SEC23B: variants seen among roughly 807,000 people sequenced by gnomAD.
SEC23B encodes protein transport protein Sec23B.
Under a neutral mutation model 104.3 loss-of-function variants are expected in SEC23B, and 77 were observed. That is an observed-to-expected ratio of 0.74 (90% CI 0.61 to 0.89). The LOEUF (loss-of-function observed/expected upper bound fraction) is 0.89. Ranked by LOEUF, SEC23B falls within the 40% of genes least tolerant of loss-of-function variation. The probability of loss-of-function intolerance (pLI) is 0.00; values close to 1 mark genes in which losing one functional copy is unlikely to be tolerated. For synonymous variants in SEC23B, 338 were observed against 332.5 expected (o/e 1.02, Z -0.18); for missense variants, 885 against 949.4 (o/e 0.93, Z 0.89).
intron 13 of SEC23B, among the ~76,000 whole-genome samples, chr20:18,542,638 A>G (rs2060298045): frequency 6.6e-6 from 1 of 152,034 alleles, no homozygotes; most frequent in African/African-American, 2.4e-5. Flanking sequence ...AGTATTAATT[A>G]TTATTATTAT....
In SEC23B at chr20:18,508,114, G is replaced by A. The variant is rs1315267505; in HGVS notation, c.-15+142G>A. 4.6e-5 allele frequency: 7 copies of A among 152,290 alleles called. No homozygotes were observed. In the East Asian group the frequency reaches 1.2e-3, roughly 25 times the overall value. 9.4% of individuals were successfully genotyped at this position (152,290 alleles called of 1,614,324 possible). A position where few individuals can be genotyped will look rare whatever the true frequency, so the allele number is the denominator to read the frequency against. On this transcript the variant is annotated intron_variant, in intron 1 of 19. Transcript: ENST00000650089. ...AGTTTAGGGTAGCGGGGGAATGGATGATCCGGGAGTCCCCTGCGGATGTCG... is the reference window on the plus strand; with the variant it reads ...AGTTTAGGGTAGCGGGGGAATGGATAATCCGGGAGTCCCCTGCGGATGTCG...
chr20:18,522,316 TC>T (rs1479335862), intron 4 of SEC23B, among the ~76,000 whole-genome samples: 1 of 152,018 alleles, frequency 6.6e-6, no homozygotes, highest in East Asian at 1.9e-4. Context: ...CAGGCAGGCG[TC>T]CCCACAATGA....
chr20:18,542,237 C>T, intron 12 of SEC23B, 59 bp from the exon 13 acceptor site: 1 of 1,415,226 alleles, frequency 7.1e-7, no homozygotes. Flanking sequence ...ACAGTGGGCT[C>T]TGTGACCGTG....
At chr20:18,515,908 G>A in intron 4 of SEC23B, 172 bp downstream of exon 4, 1 of 642,484 alleles carries the variant, frequency 1.6e-6, no homozygotes, top group Non-Finnish European at 2.8e-6. Flanking sequence ...TTCAAGTCCT[G>A]ACATTATAGA....
chr20:18,522,030 C>T (rs1242086092), intron 4 of SEC23B, among the ~76,000 whole-genome samples: 1 of 152,084 alleles, frequency 6.6e-6, no homozygotes, highest in Non-Finnish European at 1.5e-5. Context: ...GATTTTAGGT[C>T]AGATGAGAGT....
At chr20:18,540,376 A>T (rs956335558) in intron 12 of SEC23B, among the ~76,000 whole-genome samples, 3 of 152,098 alleles carry the variant, frequency 2.0e-5, no homozygotes, top group Non-Finnish European at 2.9e-5. Flanking sequence ...TTTTGAAAGG[A>T]GTCTTTTTTT....
intron 4 of SEC23B, among the ~76,000 whole-genome samples, chr20:18,518,162 G>A (rs925339519): frequency 2.6e-5 from 4 of 152,274 alleles, no homozygotes; most frequent in South Asian, 2.1e-4. Context: ...GTCCGTTATC[G>A]GACTGTATAG....
chr20:18,559,467 C>T (rs2060472950), intron 19 of SEC23B, among the ~76,000 whole-genome samples: 2 of 152,098 alleles, frequency 1.3e-5, no homozygotes, highest in African/African-American at 4.8e-5. Context: ...TTCTCTGGCA[C>T]CATCTTGGTG....
chr20:18,560,626 A>G (rs757101402), intron 19 of SEC23B, 25 bp from the exon 20 acceptor site: 6 of 1,579,042 alleles, frequency 3.8e-6, no homozygotes, highest in South Asian at 1.1e-5. Flanking sequence ...ATATCTGCCA[A>G]CTAATCTTTA....
chr20:18,510,882 G>A lies in SEC23B; in HGVS notation c.47G>A (p.Gly16Asp). Reference protein sequence around the residue: ...EFIQQNEERDGVRFSWNVWPS... With the variant: ...EFIQQNEERDDVRFSWNVWPS... ...ATCCAGCAGAATGAAGAACGGGATGGTGTGCGTTTTAGTTGGAACGTGTGG... is the reference window on the plus strand; with the variant it reads ...ATCCAGCAGAATGAAGAACGGGATGATGTGCGTTTTAGTTGGAACGTGTGG... Residue 16 changes from glycine (G) to aspartate (D), a missense_variant, in exon 2 of 20, where the codon GGT becomes GAT. By Grantham distance (94) the Gly-to-Asp change is moderately conservative. Transcript: ENST00000650089. 4.3e-6 allele frequency: 7 copies of A among 1,614,210 alleles called. No individual in the cohort carries two copies. The highest frequency in any genetic ancestry group is 5.9e-6 in the Non-Finnish European group (7 of 1,180,030).
chr20:18,535,672 C>A lies in SEC23B; in HGVS notation c.1334C>A (p.Thr445Lys). 1 of 1,614,014 alleles carries A rather than the reference C, an allele frequency of 6.2e-7. No homozygotes were observed. Among genetic ancestry groups the A allele is most frequent in the Non-Finnish European group, 8.5e-7 (1 of 1,179,948 alleles). Residue 445 changes from threonine to lysine, a missense_variant, in exon 12 of 20, where the codon ACG becomes AAG. Thr to Lys is a moderately conservative substitution (Grantham distance 78, BLOSUM62 -1). Transcript: ENST00000650089. ...CCCCAGGAGCTTGGTGTTGGTGGCA[C>A]GAGTCAGTGGAAAATCTGTGGCCTA... ...VSENELGVGG[T>K]SQWKICGLDP... is the part of the protein sequence containing the mutation.
chr20:18,551,797 G>A (rs889784960), intron 17 of SEC23B, among the ~76,000 whole-genome samples: 3 of 152,000 alleles, frequency 2.0e-5, no homozygotes, highest in Non-Finnish European at 2.9e-5. Flanking sequence ...TATTACCTTC[G>A]AAGTTAGGCA....
intron 10 of SEC23B, 37 bp downstream of exon 10, chr20:18,530,840 CT>C (rs2148904033): frequency 6.5e-7 from 1 of 1,535,836 alleles, no homozygotes; most frequent in Non-Finnish European, 9.0e-7. Flanking sequence ...TGTGGACTCA[CT>C]GTACTGCCCA....
rs2060126015 is a variant in SEC23B, at chr20:18,525,514, G to T, written c.690-274G>T. Among the ~76,000 whole-genome samples the T allele has an allele frequency of 2.0e-5, 3 of 152,150 alleles. No homozygotes were observed. The South Asian group carries it at 6.2e-4, about 32-fold the overall frequency. ...GGCATGTCCTTAGGATTTTTTTGCTGTCTAAAAATTAATTAAACTGAATTG... is the reference window on the plus strand; with the variant it reads ...GGCATGTCCTTAGGATTTTTTTGCTTTCTAAAAATTAATTAAACTGAATTG... On this transcript the variant is annotated intron_variant, in intron 6 of 19. Coordinates refer to ENST00000650089, the MANE Select transcript of SEC23B (RefSeq NM_006363.6).
intron 4 of SEC23B, among the ~76,000 whole-genome samples, chr20:18,519,122 TG>T (rs2060060240): frequency 6.6e-6 from 1 of 152,148 alleles, no homozygotes; most frequent in Non-Finnish European, 1.5e-5. Flanking sequence ...CGATTAGGCC[TG>T]GTGGAACTGC....
At chr20:18,540,843 A>G (rs750012406) in intron 12 of SEC23B, among the ~76,000 whole-genome samples, 11 of 152,210 alleles carry the variant, frequency 7.2e-5, no homozygotes, top group Non-Finnish European at 1.6e-4. Context: ...GTGACAGAGC[A>G]AGAACCTGTC....
At chr20:18,556,294 A>G (rs1282186352) in intron 19 of SEC23B, among the ~76,000 whole-genome samples, 1 of 151,914 alleles carries the variant, frequency 6.6e-6, no homozygotes, top group African/African-American at 2.4e-5. Context: ...GAGGGTATGC[A>G]TAGGTTATAT....
intron 1 of SEC23B, among the ~76,000 whole-genome samples, chr20:18,508,569 A>G (rs2059952279): frequency 6.6e-6 from 1 of 152,188 alleles, no homozygotes; most frequent in Non-Finnish European, 1.5e-5. Flanking sequence ...TCAGATGATT[A>G]GTGGACCTTC....
At chr20:18,555,490 C>T (rs2060428256) in intron 19 of SEC23B, among the ~76,000 whole-genome samples, 1 of 152,012 alleles carries the variant, frequency 6.6e-6, no homozygotes, top group African/African-American at 2.4e-5. Flanking sequence ...TAGTCCTCTC[C>T]CCACCAAGAA....
Sources: gnomAD v4.1 joint callset for allele counts (sites outside exome capture counted in the v4.1 genomes callset) on GRCh38, gnomAD v4.1.1 for gene constraint, MANE v1.5 for transcripts, NCBI Gene and HGNC (gene_info 2026-07-23, HGNC 2026-07-21) for gene names.